Variants in P2RY2 observed in about 807,000 individuals in gnomAD.
P2RY2 encodes purinergic receptor P2Y2.
For missense variants in P2RY2, 567 were observed against 515.7 expected (o/e 1.10, Z -0.96); for synonymous variants, 241 against 231.9 (o/e 1.04, Z -0.35).
chr11:73,226,722 C>T (rs1862288655), intron 1 of P2RY2, among the ~76,000 whole-genome samples: 1 of 152,134 alleles, frequency 6.6e-6, no homozygotes, highest in Non-Finnish European at 1.5e-5. Context: ...GTGGGACCTG[C>T]CCACACAGAA....
chr11:73,230,755 G>A (rs1454110388), intron 2 of P2RY2, among the ~76,000 whole-genome samples: 1 of 152,138 alleles, frequency 6.6e-6, no homozygotes, highest in Non-Finnish European at 1.5e-5. Context: ...GAAACTGCAG[G>A]TCACAGGGGT....
intron 2 of P2RY2, among the ~76,000 whole-genome samples, chr11:73,230,324 G>A (rs765309952): frequency 2.6e-5 from 4 of 151,590 alleles, no homozygotes; most frequent in Non-Finnish European, 5.9e-5. Context: ...AGGGCCCAAG[G>A]CCTTCCCCTG....
rs1862594734 is a variant in P2RY2 at position 73,235,002 on chromosome 11, C to T, written c.843C>T (p.Leu281=). Residue 281 remains leucine (L), a synonymous_variant, in exon 3 of 3, where the codon CTC becomes CTT. Coordinates refer to ENST00000393597, the MANE Select transcript of P2RY2 (RefSeq NM_002564.4). ...FRSLDLSCHT[L]NAINMAYKVT... The stretch of plus-strand genomic sequence containing the variant: ...CGCTGGACCTCAGCTGCCACACCCT[C>T]AACGCCATCAACATGGCCTACAAGG... The T allele has an allele frequency of 1.2e-6, 2 of 1,608,968 alleles. No individual in the cohort carries two copies. The highest frequency in any genetic ancestry group is 3.3e-5 in the Admixed American group (2 of 60,016).
chr11:73,230,681 G>A (rs576682785), intron 2 of P2RY2, among the ~76,000 whole-genome samples: 1 of 152,238 alleles, frequency 6.6e-6, no homozygotes, highest in South Asian at 2.1e-4. Context: ...GGCTATGAAT[G>A]AACTCCAGGT....
At position 73,234,986 on chromosome 11, in the gene P2RY2, T is replaced by A. The variant is rs777679021; in HGVS notation, c.827T>A (p.Leu276His). 1 of 1,609,608 alleles carries A rather than the reference T, an allele frequency of 6.2e-7. No individual in the cohort carries two copies. Among genetic ancestry groups the A allele is most frequent in the Non-Finnish European group, 8.5e-7 (1 of 1,179,982 alleles). Residue 276 changes from leucine to histidine, a missense_variant, in exon 3 of 3, where the codon CTC becomes CAC. Coordinates refer to ENST00000393597, the MANE Select transcript of P2RY2 (RefSeq NM_002564.4). ...TACTACTCCTTCCGCTCGCTGGACC[T>A]CAGCTGCCACACCCTCAACGCCATC... ...TLYYSFRSLDLSCHTLNAINM... is the reference protein window; with the variant it reads ...TLYYSFRSLDHSCHTLNAINM...
At position 73,235,333 on chromosome 11, in the gene P2RY2, G is replaced by T; in HGVS notation, c.*40G>T. The T allele has an allele frequency of 6.6e-7, 1 of 1,516,264 alleles. No individual in the cohort carries two copies. Among genetic ancestry groups the T allele is most frequent in the Non-Finnish European group, 8.8e-7 (1 of 1,132,150 alleles). 93.9% of individuals were successfully genotyped at this position (1,516,264 alleles called of 1,614,324 possible). A position where few individuals can be genotyped will look rare whatever the true frequency, so the allele number is the denominator to read the frequency against. On this transcript the variant is annotated 3_prime_UTR_variant, in exon 3 of 3. Coordinates refer to ENST00000393597, the MANE Select transcript of P2RY2 (RefSeq NM_002564.4). ...AGCCTGTGCAGGTTTATATTGGGAA[G>T]CTGTAGAGGACCAGGACTTGTGCAG... is the stretch of plus-strand genomic sequence containing the variant.
In P2RY2 at chr11:73,234,867, G is replaced by T; in HGVS notation, c.708G>T (p.Leu236=). The part of the protein sequence containing the change: ...LKPAYGTSGG[L]PRAKRKSVRT... The stretch of plus-strand genomic sequence containing the variant: ...CAGCCTACGGGACCTCGGGCGGCCT[G>T]CCTAGGGCCAAGCGCAAGTCCGTGC... Residue 236 remains leucine (L), a synonymous_variant, in exon 3 of 3, where the codon CTG becomes CTT. Transcript: ENST00000393597. 6.2e-7 allele frequency: 1 copy of T among 1,610,546 alleles called. No homozygotes were observed.
chr11:73,236,111 A>G lies in P2RY2; in HGVS notation c.*818A>G, dbSNP rs1862646022. Reference sequence around the variant, plus strand: ...AGGCCCCAGGTCATCCCCCACTGTAAAGCCAGTTGGCTTCTGTGCCTGACT... The same window carrying G: ...AGGCCCCAGGTCATCCCCCACTGTAGAGCCAGTTGGCTTCTGTGCCTGACT... On this transcript the variant is annotated 3_prime_UTR_variant, in exon 3 of 3. Coordinates refer to ENST00000393597, the MANE Select transcript of P2RY2 (RefSeq NM_002564.4). The G allele has an allele frequency of 1.0e-6, 1 of 999,578 alleles. No homozygotes were observed. The highest frequency in any genetic ancestry group is 4.7e-5 in the South Asian group (1 of 21,252). 61.9% of individuals were successfully genotyped at this position (999,578 alleles called of 1,614,324 possible). A position where few individuals can be genotyped will look rare whatever the true frequency, so the allele number is the denominator to read the frequency against.
rs144543190 is a variant in P2RY2 at position 73,234,468 on chromosome 11, G to T, written c.309G>T (p.Thr103=). The change falls in exon 3 of 3, where the codon ACG becomes ACT. Residue 103 remains threonine, a synonymous_variant. Transcript: ENST00000393597. ...YARGDHWPFS[T]VLCKLVRFLF... is the part of the protein sequence containing the mutation. ...GCGGCGACCACTGGCCCTTCAGCAC[G>T]GTGCTCTGCAAGCTGGTGCGCTTCC... The T allele has an allele frequency of 3.6e-5, 58 of 1,614,122 alleles. No individual in the cohort carries two copies. In the South Asian group the frequency reaches 3.6e-4, roughly 10 times the overall value.
intron 1 of P2RY2, among the ~76,000 whole-genome samples, chr11:73,227,046 A>G (rs996333761): frequency 6.6e-6 from 1 of 152,094 alleles, no homozygotes. Context: ...CATCACCTAC[A>G]TTAGGTATTT....
rs1306904235 is a variant in P2RY2, at chr11:73,218,384, G to C, written c.-248G>C. The C allele has an allele frequency of 6.5e-6, 1 of 153,310 alleles. No individual in the cohort carries two copies. Among genetic ancestry groups the C allele is most frequent in the Non-Finnish European group, 1.5e-5 (1 of 68,950 alleles). 9.5% of individuals were successfully genotyped at this position (153,310 alleles called of 1,614,324 possible). A position where few individuals can be genotyped will look rare whatever the true frequency, so the allele number is the denominator to read the frequency against. On this transcript the variant is annotated 5_prime_UTR_variant, in exon 1 of 3. Transcript: ENST00000393597. ...GGGACCCGGGCACTGGCACCCGGGA[G>C]CGGCGGCGACGGCACCCTGAGAGGA...
chr11:73,237,640 C>T lies in P2RY2; in HGVS notation c.*2347C>T, dbSNP rs953847935. ...ACTCCACAAGGACACAGGAGGGGCT[C>T]GTTCACCATCTAATCCTGTGGCAGG... On this transcript the variant is annotated 3_prime_UTR_variant, in exon 3 of 3. Coordinates refer to ENST00000393597, the MANE Select transcript of P2RY2 (RefSeq NM_002564.4). 6.6e-6 allele frequency among the ~76,000 whole-genome samples: 1 copy of T among 152,182 alleles called. No individual in the cohort carries two copies. The highest frequency in any genetic ancestry group is 6.5e-5 in the Admixed American group (1 of 15,278).
In P2RY2 at chr11:73,234,677, C is replaced by A. The variant is rs1381083822; in HGVS notation, c.518C>A (p.Thr173Asn). 3.8e-6 allele frequency: 6 copies of A among 1,597,970 alleles called. No homozygotes were observed. The highest frequency in any genetic ancestry group is 3.3e-5 in the South Asian group (3 of 89,596). The change falls in exon 3 of 3, where the codon ACC becomes AAC. Residue 173 changes from threonine to asparagine, a missense_variant. Thr to Asn is a moderately conservative substitution (Grantham distance 65). Coordinates refer to ENST00000393597, the MANE Select transcript of P2RY2 (RefSeq NM_002564.4). ...ACQAPVLYFVTTSARGGRVTC... is the reference protein window; with the variant it reads ...ACQAPVLYFVNTSARGGRVTC... ...CAGGCCCCCGTGCTCTACTTTGTCA[C>A]CACCAGCGCGCGCGGGGGCCGCGTA...
rs1862678803 is a variant in P2RY2, at chr11:73,237,342, G to C, written c.*2049G>C. 6.6e-6 allele frequency among the ~76,000 whole-genome samples: 1 copy of C among 152,068 alleles called. No homozygotes were observed. The highest frequency in any genetic ancestry group is 2.4e-5 in the African/African-American group (1 of 41,394). The stretch of plus-strand genomic sequence containing the variant: ...GCTCACTGCAACTCTCTGCCTCCCG[G>C]GTTCAAGCAATTCTCCTGCCTCAGT... On this transcript the variant is annotated 3_prime_UTR_variant, in exon 3 of 3. Transcript: ENST00000393597.
chr11:73,229,818 G>A (rs75290759), intron 2 of P2RY2, among the ~76,000 whole-genome samples: 13,721 of 152,020 alleles, frequency 0.09, 2,071 homozygotes, highest in African/African-American at 0.32. Context: ...GTCAGGCCTC[G>A]GCACGGGGGC....
rs1201472739 is a variant in P2RY2, at chr11:73,240,918, G to C, written c.*5625G>C. On this transcript the variant is annotated 3_prime_UTR_variant, in exon 3 of 3. Transcript: ENST00000393597. ...TGTGGCTGTTAGGAACTGAATGTTT[G>C]TGTCCCCCGCCCCACAAATCCATAT... 4 of 152,290 alleles carry C rather than the reference G, an allele frequency of 2.6e-5. No homozygotes were observed. Among genetic ancestry groups the C allele is most frequent in the African/African-American group, 9.7e-5 (4 of 41,448 alleles). The allele number at this position is 152,290 out of a possible 1,614,324, so 9.4% of individuals were successfully genotyped here.
rs949757131 is a variant in P2RY2 at position 73,218,359 on chromosome 11, G to A, written c.-273G>A. ...GCACGTGGGTCTCTGCGGCTGCGGCGGGACCCGGGCACTGGCACCCGGGAG... is the reference window on the plus strand; with the variant it reads ...GCACGTGGGTCTCTGCGGCTGCGGCAGGACCCGGGCACTGGCACCCGGGAG... On this transcript the variant is annotated 5_prime_UTR_variant, in exon 1 of 3. Coordinates refer to ENST00000393597, the MANE Select transcript of P2RY2 (RefSeq NM_002564.4). 3.3e-5 allele frequency: 5 copies of A among 152,970 alleles called. No homozygotes were observed. The highest frequency in any genetic ancestry group is 9.6e-5 in the African/African-American group (4 of 41,476). The allele number at this position is 152,970 out of a possible 1,614,324, so 9.5% of individuals were successfully genotyped here. A position where few individuals can be genotyped will look rare whatever the true frequency, so the allele number is the denominator to read the frequency against.
chr11:73,233,238 G>C (rs1862511929), intron 2 of P2RY2, among the ~76,000 whole-genome samples: 1 of 152,218 alleles, frequency 6.6e-6, no homozygotes, highest in South Asian at 2.1e-4. Flanking sequence ...CTCAGGGGCA[G>C]GACTGCTGTT....
At chr11:73,221,960 G>T (rs1460162533) in intron 1 of P2RY2, among the ~76,000 whole-genome samples, 1 of 152,158 alleles carries the variant, frequency 6.6e-6, no homozygotes, top group Non-Finnish European at 1.5e-5. Context: ...GCCATAGTTG[G>T]TTCTGGAGCA....
Sources: gnomAD v4.1 joint callset for allele counts (sites outside exome capture counted in the v4.1 genomes callset) on GRCh38, gnomAD v4.1.1 for gene constraint, MANE v1.5 for transcripts, NCBI Gene and HGNC (gene_info 2026-07-23, HGNC 2026-07-21) for gene names.